The following LRRC1 variants were observed in gnomAD, a reference collection of about 807,000 sequenced individuals.
The protein encoded by LRRC1 is leucine rich repeat containing 1.
In LRRC1, 28 loss-of-function variants were observed where a neutral mutation model predicts 69.9. The ratio of observed to expected loss-of-function variants is 0.40; its 90% confidence interval spans 0.30 to 0.55. The LOEUF is 0.55. LRRC1 is among the 20% of genes least tolerant of loss of function. The pLI is 0.47. For missense variants in LRRC1, 498 were observed against 609.0 expected, an observed-to-expected ratio of 0.82 and a Z score of 1.92; for synonymous variants, 236 against 240.2, an observed-to-expected ratio of 0.98 and a Z score of 0.16.
chr6:53,859,362 C>A (rs1035589315), intron 2 of LRRC1, among the ~76,000 whole-genome samples: 9 of 152,114 alleles, frequency 5.9e-5, no homozygotes, highest in African/African-American at 2.2e-4. Flanking sequence ...AAGGAATATG[C>A]AATCCAAATT....
intron 10 of LRRC1, among the ~76,000 whole-genome samples, chr6:53,908,680 A>C (rs1302445054): frequency 1.3e-5 from 2 of 152,184 alleles, no homozygotes; most frequent in African/African-American, 4.8e-5. Context: ...AGAAGGTAAA[A>C]GCAGCCTTTA....
At chr6:53,878,624 A>T (rs1767154524) in intron 2 of LRRC1, among the ~76,000 whole-genome samples, 1 of 152,112 alleles carries the variant, frequency 6.6e-6, no homozygotes, top group South Asian at 2.1e-4. Context: ...AGTGGCTGTA[A>T]ATATGGATGA....
At chr6:53,885,854 T>C (rs958708199) in intron 4 of LRRC1, among the ~76,000 whole-genome samples, 10 of 152,162 alleles carry the variant, frequency 6.6e-5, no homozygotes, top group African/African-American at 2.4e-4. Context: ...AAGAAGTTTT[T>C]AGGAGTTGAT....
intron 1 of LRRC1, among the ~76,000 whole-genome samples, chr6:53,821,608 T>G (rs1381780908): frequency 6.6e-6 from 1 of 152,172 alleles, no homozygotes; most frequent in Non-Finnish European, 1.5e-5. Flanking sequence ...TTTATCCTCA[T>G]TTGCTCTTAG....
At chr6:53,829,112 G>T (rs1295992811) in intron 1 of LRRC1, among the ~76,000 whole-genome samples, 1 of 152,186 alleles carries the variant, frequency 6.6e-6, no homozygotes. Context: ...GGATTATGGA[G>T]CTTGGGCTCC....
chr6:53,871,672 T>C (rs1207883230), intron 2 of LRRC1, among the ~76,000 whole-genome samples: 1 of 152,200 alleles, frequency 6.6e-6, no homozygotes, highest in Non-Finnish European at 1.5e-5. Context: ...TGTTTTGTTT[T>C]GTTTCGTTTT....
At chr6:53,795,568 T>G (rs1764272726) in intron 1 of LRRC1, among the ~76,000 whole-genome samples, 153 bp downstream of exon 1, 1 of 152,248 alleles carries the variant, frequency 6.6e-6, no homozygotes, top group African/African-American at 2.4e-5. Flanking sequence ...CCCTGTCTCT[T>G]TACTTCCATC....
Position 53,920,670 on chromosome 6 carries a change from T to C in LRRC1, c.1325T>C (p.Val442Ala), listed in dbSNP as rs1768711380. 9.9e-6 allele frequency: 16 copies of C among 1,614,044 alleles called. No individual in the cohort carries two copies. In the East Asian group the frequency reaches 3.6e-4, roughly 36 times the overall value. The change falls in exon 13 of 14, where the codon GTC (valine) becomes GCC (alanine). Residue 442 changes from valine to alanine, a missense_variant. Val to Ala is a moderately conservative substitution (Grantham distance 64). Around this residue, in one of 3 missense-constraint regions of LRRC1, gnomAD observed 162 missense variants for 162.9 expected, o/e 0.99. Transcript: ENST00000370888. ...GCACTGGAGAACTTGGTAAATGATGTCTCTGATGAAGCCTGGAACGAGCGT... is the reference window on the plus strand; with the variant it reads ...GCACTGGAGAACTTGGTAAATGATGCCTCTGATGAAGCCTGGAACGAGCGT... ...CGALENLVND[V>A]SDEAWNERAV...
At chr6:53,883,168 G>A (rs551524728) in intron 4 of LRRC1, among the ~76,000 whole-genome samples, 192 bp downstream of exon 4, 17 of 152,194 alleles carry the variant, frequency 1.1e-4, no homozygotes, top group African/African-American at 4.1e-4. Flanking sequence ...AAATTTTATT[G>A]GTTAAAAAGG....
In LRRC1 at chr6:53,848,948, G is replaced by A. The variant is rs1311034327; in HGVS notation, c.277+6721G>A. Among the ~76,000 whole-genome samples the A allele has an allele frequency of 4.0e-5, 6 of 151,736 alleles. No homozygotes were observed. In the East Asian group the frequency reaches 1.2e-3, roughly 29 times the overall value. ...AATTTTGTGTTTTTAGTAGAGATGG[G>A]GTTTCTTCATGTTGATCAGGTTGGT... On this transcript the variant is annotated intron_variant, in intron 2 of 13. Transcript: ENST00000370888.
chr6:53,902,636 A>T lies in LRRC1; in HGVS notation c.795A>T (p.Leu265=). 6.3e-7 allele frequency: 1 copy of T among 1,584,300 alleles called. No individual in the cohort carries two copies. Among genetic ancestry groups the T allele is most frequent in the Non-Finnish European group, 8.6e-7 (1 of 1,165,334 alleles). ...LETIPDGIGK[L]KKLSILKVDQ... is the part of the protein sequence containing the mutation. Reference sequence around the variant, plus strand: ...ATCATAATGCTTTTACAGGAAAACTAAAGAAACTGTCAATCTTGAAGGTGG... The same window carrying T: ...ATCATAATGCTTTTACAGGAAAACTTAAGAAACTGTCAATCTTGAAGGTGG... The change falls in exon 9 of 14, where the codon CTA becomes CTT. Residue 265 remains leucine, a synonymous_variant. Coordinates refer to ENST00000370888, the MANE Select transcript of LRRC1 (RefSeq NM_018214.5).
intron 10 of LRRC1, among the ~76,000 whole-genome samples, chr6:53,906,151 A>G (rs916243606): frequency 2.0e-5 from 3 of 152,142 alleles, no homozygotes; most frequent in African/African-American, 7.2e-5. Flanking sequence ...CAGTCATGAT[A>G]ATTTCTTCAT....
At chr6:53,825,101 CCAGTGTGTGTTT>C (rs1765220337) in intron 1 of LRRC1, among the ~76,000 whole-genome samples, 1 of 152,200 alleles carries the variant, frequency 6.6e-6, no homozygotes, top group Non-Finnish European at 1.5e-5. Flanking sequence ...TGGGTGTGTT[CCAGTGTGTGTTT>C]CAGTGTCCTC....
chr6:53,894,278 A>G (rs1268628901), intron 4 of LRRC1, among the ~76,000 whole-genome samples: 1 of 152,200 alleles, frequency 6.6e-6, no homozygotes, highest in Non-Finnish European at 1.5e-5. Flanking sequence ...ATTACTAACC[A>G]GATGAGATGG....
intron 11 of LRRC1, among the ~76,000 whole-genome samples, chr6:53,917,948 GAGAA>G (rs1768622007): frequency 6.6e-6 from 1 of 152,204 alleles, no homozygotes; most frequent in Non-Finnish European, 1.5e-5. Flanking sequence ...TGGATAGAAA[GAGAA>G]AGAATTTTTG....
intron 2 of LRRC1, among the ~76,000 whole-genome samples, chr6:53,861,097 C>G (rs770860258): frequency 1.3e-5 from 2 of 152,020 alleles, no homozygotes; most frequent in Non-Finnish European, 2.9e-5. Context: ...TGCTGATTAC[C>G]TGGTACACCA....
At chr6:53,851,205 C>CACAT (rs377309583) in intron 2 of LRRC1, among the ~76,000 whole-genome samples, 3 of 113,766 alleles carry the variant, frequency 2.6e-5, no homozygotes, top group Non-Finnish European at 5.7e-5. Flanking sequence ...CACACACACA[C>CACAT]GTGAATATAT....
At chr6:53,901,545 C>T (rs979892366) in intron 8 of LRRC1, among the ~76,000 whole-genome samples, 3 of 149,280 alleles carry the variant, frequency 2.0e-5, no homozygotes, top group Non-Finnish European at 4.4e-5. Flanking sequence ...GGCCCTGTCT[C>T]TTAAAAAAAA....
chr6:53,852,599 A>C (rs1766174418), intron 2 of LRRC1, among the ~76,000 whole-genome samples: 1 of 152,160 alleles, frequency 6.6e-6, no homozygotes, highest in Non-Finnish European at 1.5e-5. Context: ...TCATACTCCT[A>C]GTTAGTGATG....
Sources: allele counts gnomAD v4.1 joint callset (sites outside exome capture counted in the v4.1 genomes callset), GRCh38; gene constraint gnomAD v4.1.1; regional missense constraint gnomAD v4.1.1; transcripts MANE v1.5; gene names NCBI Gene and HGNC (gene_info 2026-07-23, HGNC 2026-07-21).